PRKN: variants seen among roughly 807,000 people sequenced by gnomAD.
The protein encoded by PRKN is parkin RBR E3 ubiquitin protein ligase.
A neutral mutation model predicts 59.5 loss-of-function variants in PRKN; 56 were observed. The ratio of observed to expected loss-of-function variants is 0.94; its 90% CI spans 0.76 to 1.18. The LOEUF is 1.18. Ranked by LOEUF, PRKN falls within the 50% of genes most tolerant of loss-of-function variation. The pLI is 0.00. For synonymous variants in PRKN, 250 were observed against 222.1 expected (o/e 1.13, Z -1.12); for missense variants, 657 against 596.4 (o/e 1.10, Z -1.06).
rs919728657 is a variant in PRKN, at chr6:161,533,798, C to A, written c.1083+15056G>T. ...AACTTTCCACTCCTTAACCCACCCA[C>A]GTGTCTGTGTACTTAATTTTCTTGG... On this transcript the variant is annotated intron_variant, in intron 9 of 11. Transcript: ENST00000366898. This position sits in a 1 kb window ranked among gnomAD's most constrained non-coding sequence, Gnocchi z 4.1. 6.6e-6 allele frequency among the ~76,000 whole-genome samples: 1 copy of A among 151,578 alleles called. No individual in the cohort carries two copies. Among genetic ancestry groups the A allele is most frequent in the Non-Finnish European group, 1.5e-5 (1 of 67,586 alleles).
intron 2 of PRKN, among the ~76,000 whole-genome samples, chr6:162,320,409 C>CAAA (rs1242898622): frequency 1.1e-4 from 2 of 17,586 alleles, no homozygotes; most frequent in Non-Finnish European, 2.3e-4. Context: ...ATCAAACAAG[C>CAAA]AAAAAAAACC....
Position 161,414,117 on chromosome 6 carries a change from T to C in PRKN, c.1084-27240A>G, listed in dbSNP as rs1787723986. ...TGTCATTTTAATTCAGACTTCTCTC[T>C]TTCTTTGCTGCAAATGGCTCTCTGG... is the stretch of plus-strand genomic sequence containing the variant. On this transcript the variant is annotated intron_variant, in intron 9 of 11. Transcript: ENST00000366898. The surrounding 1 kb of genome is among the most constrained non-coding windows in gnomAD (Gnocchi z 5.3). 6.6e-6 allele frequency among the ~76,000 whole-genome samples: 1 copy of C among 152,154 alleles called. No individual in the cohort carries two copies. The highest frequency in any genetic ancestry group is 2.1e-4 in the South Asian group (1 of 4,834).
At chr6:161,643,866 A>G (rs770337814) in intron 7 of PRKN, among the ~76,000 whole-genome samples, 2 of 152,242 alleles carry the variant, frequency 1.3e-5, no homozygotes, top group Non-Finnish European at 2.9e-5. Flanking sequence ...TCCATGGCAT[A>G]AAGTACTTTC....
chr6:161,879,472 C>G (rs546799221), intron 6 of PRKN, among the ~76,000 whole-genome samples: 1 of 151,784 alleles, frequency 6.6e-6, no homozygotes, highest in Non-Finnish European at 1.5e-5. Flanking sequence ...CTCAGTCTCC[C>G]GAGTAGCTGG....
chr6:162,523,204 G>A (rs952483778), intron 1 of PRKN, among the ~76,000 whole-genome samples: 1 of 152,146 alleles, frequency 6.6e-6, no homozygotes, highest in Non-Finnish European at 1.5e-5. Context: ...ATGAGGCAGT[G>A]GGAATTCACA....
chr6:161,596,344 TA>T (rs751854251), intron 7 of PRKN, among the ~76,000 whole-genome samples: 2 of 152,200 alleles, frequency 1.3e-5, no homozygotes, highest in Non-Finnish European at 2.9e-5. Flanking sequence ...TATTCACCAC[TA>T]AAACAGTTTA....
chr6:161,922,485 G>A (rs55720286), intron 6 of PRKN, among the ~76,000 whole-genome samples: 1,978 of 152,148 alleles, frequency 0.013, 36 homozygotes, highest in African/African-American at 0.045. Context: ...AAATACATAT[G>A]TGTGTGTATA....
At chr6:161,612,718 C>CAAAAAAAAA (rs57084261) in intron 7 of PRKN, among the ~76,000 whole-genome samples, 2 of 59,630 alleles carry the variant, frequency 3.4e-5, no homozygotes, top group Non-Finnish European at 6.1e-5. Flanking sequence ...GACTCCATCT[C>CAAAAAAAAA]AAAAAAAAAA....
chr6:161,983,873 A>G (rs1355928051), intron 5 of PRKN, among the ~76,000 whole-genome samples: 1 of 122,902 alleles, frequency 8.1e-6, no homozygotes, highest in Admixed American at 7.7e-5. Flanking sequence ...AACCTGCACA[A>G]TGTGCACATG....
chr6:161,806,677 T>G (rs1011755005), intron 6 of PRKN, among the ~76,000 whole-genome samples: 1 of 152,188 alleles, frequency 6.6e-6, no homozygotes, highest in Non-Finnish European at 1.5e-5. Flanking sequence ...CAATGCAGGA[T>G]GCAAGACAAG....
At chr6:162,269,117 C>T (rs1242703865) in intron 2 of PRKN, among the ~76,000 whole-genome samples, 3 of 152,098 alleles carry the variant, frequency 2.0e-5, no homozygotes, top group African/African-American at 2.4e-5. Flanking sequence ...TCGCAGACTC[C>T]GGATGCTGGT....
chr6:161,407,906 A>G lies in PRKN; in HGVS notation c.1084-21029T>C, dbSNP rs1355384523. Among the ~76,000 whole-genome samples, 2 of 152,082 alleles carry G rather than the reference A, an allele frequency of 1.3e-5. No homozygotes were observed. Among genetic ancestry groups the G allele is most frequent in the African/African-American group, 2.4e-5 (1 of 41,394 alleles). On this transcript the variant is annotated intron_variant, in intron 9 of 11. Transcript: ENST00000366898. The surrounding 1 kb of genome is among the most constrained non-coding windows in gnomAD (Gnocchi z 4.9). ...ATCCCCTCCTCTGCTAACAATAGAT[A>G]ACCTCCTTTAACTGTAACTTTCCAC...
At chr6:162,120,489 A>C (rs1278119377) in intron 4 of PRKN, among the ~76,000 whole-genome samples, 2 of 152,226 alleles carry the variant, frequency 1.3e-5, no homozygotes, top group African/African-American at 4.8e-5. Context: ...CAGGATTATC[A>C]GCTCTGAACT....
intron 8 of PRKN, among the ~76,000 whole-genome samples, chr6:161,559,110 C>T (rs1417806306): frequency 6.8e-6 from 1 of 146,300 alleles, no homozygotes; most frequent in Non-Finnish European, 1.5e-5. Flanking sequence ...TCCGGAAGCA[C>T]AGTTTAAGAA....
At chr6:161,836,788 G>C (rs1373374551) in intron 6 of PRKN, among the ~76,000 whole-genome samples, 2 of 152,118 alleles carry the variant, frequency 1.3e-5, no homozygotes, top group Non-Finnish European at 2.9e-5. Context: ...AGCATCCCCT[G>C]AACCGGGGAG....
At chr6:161,715,676 T>A (rs560115945) in intron 7 of PRKN, among the ~76,000 whole-genome samples, 3 of 152,226 alleles carry the variant, frequency 2.0e-5, no homozygotes, top group East Asian at 3.9e-4. Context: ...CCAGTTTCCA[T>A]CCAGTTGAGT....
intron 6 of PRKN, among the ~76,000 whole-genome samples, chr6:161,894,315 A>G (rs1046195966): frequency 6.6e-6 from 1 of 152,160 alleles, no homozygotes; most frequent in Admixed American, 6.5e-5. Context: ...CTAGACCACT[A>G]TGGTATTCTT....
At chr6:162,605,710 T>A (rs1781886757) in intron 1 of PRKN, among the ~76,000 whole-genome samples, 1 of 152,170 alleles carries the variant, frequency 6.6e-6, no homozygotes, top group African/African-American at 2.4e-5. Flanking sequence ...TGATTTATTA[T>A]ACCCAAACAG....
In PRKN at chr6:162,043,376, C is replaced by T. The variant is rs997674844; in HGVS notation, c.618+10715G>A. Reference sequence around the variant, plus strand: ...TGAATAAGAAAAATCTCCATATATACACAGTTAGATAAACCCAACAGAACA... The same window carrying T: ...TGAATAAGAAAAATCTCCATATATATACAGTTAGATAAACCCAACAGAACA... On this transcript the variant is annotated intron_variant, in intron 5 of 11. Transcript: ENST00000366898. 6.6e-5 allele frequency among the ~76,000 whole-genome samples: 10 copies of T among 152,302 alleles called. 1 individual carries two copies. Among genetic ancestry groups the T allele is most frequent in the Admixed American group, 6.5e-4 (10 of 15,298 alleles).
Sources: gnomAD v4.1 joint callset for allele counts (sites outside exome capture counted in the v4.1 genomes callset) on GRCh38, gnomAD v4.1.1 for gene constraint, Gnocchi (gnomAD v3.1) non-coding constraint, MANE v1.5 for transcripts, NCBI Gene and HGNC (gene_info 2026-07-23, HGNC 2026-07-21) for gene names.